Variants in CCNY observed in about 807,000 individuals in gnomAD.
CCNY encodes the protein cyclin-Y.
Under a neutral mutation model 42.8 loss-of-function variants are expected in CCNY, and 19 were observed. The observed-to-expected ratio is 0.44, with a 90% CI of 0.31 to 0.65. The LOEUF (loss-of-function observed/expected upper bound fraction) is 0.65. CCNY is among the 30% of genes least tolerant of loss of function. The pLI is 0.07. For missense variants in CCNY, 370 were observed against 437.3 expected, an observed-to-expected ratio of 0.85 and a Z score of 1.37; for synonymous variants, 165 against 162.7, an observed-to-expected ratio of 1.01 and a Z score of -0.11.
chr10:35,428,822 C>A (rs1838324235), intron 1 of CCNY, among the ~76,000 whole-genome samples: 1 of 152,048 alleles, frequency 6.6e-6, no homozygotes, highest in Admixed American at 6.5e-5. Context: ...CTGGTTTGTG[C>A]AATGGGATGA....
intron 3 of CCNY, among the ~76,000 whole-genome samples, chr10:35,288,889 C>A (rs1010967903): frequency 5.9e-5 from 9 of 152,148 alleles, no homozygotes; most frequent in African/African-American, 2.2e-4. Context: ...AGTGTAAAAC[C>A]TCCAAGTTCA....
At chr10:35,485,353 A>G (rs1174455346) in intron 2 of CCNY, among the ~76,000 whole-genome samples, 2 of 152,260 alleles carry the variant, frequency 1.3e-5, no homozygotes, top group Non-Finnish European at 2.9e-5. Flanking sequence ...TTCTGTTTTC[A>G]GATGGGCAGT....
At chr10:35,270,374 T>C (rs1210633290) in intron 3 of CCNY, among the ~76,000 whole-genome samples, 1 of 152,042 alleles carries the variant, frequency 6.6e-6, no homozygotes, top group Non-Finnish European at 1.5e-5. Context: ...AACATTCAAA[T>C]CTAGCACAAA....
chr10:35,540,279 T>C (rs1353942006), intron 7 of CCNY, among the ~76,000 whole-genome samples: 1 of 152,218 alleles, frequency 6.6e-6, no homozygotes, highest in African/African-American at 2.4e-5. Context: ...TGTTTTTATT[T>C]TGAAAGGGTA....
intron 1 of CCNY, among the ~76,000 whole-genome samples, chr10:35,358,870 C>T (rs891587789): frequency 3.3e-5 from 5 of 152,184 alleles, no homozygotes; most frequent in African/African-American, 1.2e-4. Context: ...TATTTGAGGC[C>T]AGGTGAAGGG....
In CCNY at chr10:35,323,686, G is replaced by C. The variant is rs1434432925; in HGVS notation, c.-9+73060G>C. ...TGGAAATGTTCTAGATCTTGATTGT[G>C]GTGATGGTGGTTACATGCGTATATT... On this transcript the variant is annotated intron_variant, in intron 3 of 11. Coordinates refer to the CCNY transcript ENST00000374706. 2.0e-5 allele frequency among the ~76,000 whole-genome samples: 3 copies of C among 152,232 alleles called. No homozygotes were observed. The South Asian group carries it at 6.2e-4, about 32-fold the overall frequency.
chr10:35,563,975 C>T (rs2135463166), intron 8 of CCNY, among the ~76,000 whole-genome samples: 1 of 151,716 alleles, frequency 6.6e-6, no homozygotes, highest in East Asian at 2.0e-4. Flanking sequence ...CTCCCGGGTT[C>T]AAGTGATTCC....
chr10:35,498,872 G>T (rs1840054547), intron 2 of CCNY, among the ~76,000 whole-genome samples: 1 of 152,204 alleles, frequency 6.6e-6, no homozygotes, highest in Non-Finnish European at 1.5e-5. Context: ...GTTGCTCTGA[G>T]GAAATAGGGT....
intron 2 of CCNY, among the ~76,000 whole-genome samples, chr10:35,250,210 A>G (rs1205041486): frequency 1.3e-5 from 2 of 151,018 alleles, no homozygotes; most frequent in East Asian, 2.0e-4. Flanking sequence ...AAAAAAAAAA[A>G]AAGAAGTAGT....
intron 1 of CCNY, among the ~76,000 whole-genome samples, chr10:35,380,376 A>C (rs1837154279): frequency 1.3e-5 from 2 of 152,162 alleles, no homozygotes; most frequent in Admixed American, 1.3e-4. Flanking sequence ...TCCACCTGGG[A>C]ATCCTATCCT....
intron 5 of CCNY, among the ~76,000 whole-genome samples, chr10:35,529,112 G>C (rs1053197145): frequency 2.6e-5 from 4 of 152,194 alleles, no homozygotes; most frequent in Admixed American, 2.6e-4. Context: ...CTCTTTAAGT[G>C]GTTCTGTGCA....
chr10:35,297,273 G>A (rs887693542), intron 3 of CCNY, among the ~76,000 whole-genome samples: 8 of 152,058 alleles, frequency 5.3e-5, no homozygotes, highest in Non-Finnish European at 7.4e-5. Context: ...GATCTCAATA[G>A]ATGCAGAAAG....
At chr10:35,307,155 C>CGACAGCAA (rs1589027366) in intron 3 of CCNY, among the ~76,000 whole-genome samples, 1 of 152,124 alleles carries the variant, frequency 6.6e-6, no homozygotes, top group East Asian at 1.9e-4. Context: ...TCAGGGATGA[C>CGACAGCAA]GACAGCAAGC....
At chr10:35,259,340 AG>A (rs1476470652) in intron 3 of CCNY, among the ~76,000 whole-genome samples, 1 of 151,892 alleles carries the variant, frequency 6.6e-6, no homozygotes, top group African/African-American at 2.4e-5. Context: ...CAGCCTCTTG[AG>A]TAGCTAGGAG....
At chr10:35,549,398 T>C (rs1194803706) in intron 7 of CCNY, among the ~76,000 whole-genome samples, 124 of 124,102 alleles carry the variant, frequency 1.0e-3, no homozygotes, top group Middle Eastern at 0.01. Context: ...CGTGACCCTG[T>C]GCTCCTCATG....
At chr10:35,369,809 T>A (rs1183717564) in intron 1 of CCNY, among the ~76,000 whole-genome samples, 1 of 152,232 alleles carries the variant, frequency 6.6e-6, no homozygotes, top group Non-Finnish European at 1.5e-5. Context: ...TAATTTCTAA[T>A]CAATATTTTT....
intron 7 of CCNY, among the ~76,000 whole-genome samples, chr10:35,547,954 A>G (rs1841151470): frequency 6.6e-6 from 1 of 152,160 alleles, no homozygotes; most frequent in South Asian, 2.1e-4. Context: ...TTTCCATTTT[A>G]TTATCAGTAT....
chr10:35,527,622 A>G (rs550961422), intron 5 of CCNY, among the ~76,000 whole-genome samples: 7 of 152,360 alleles, frequency 4.6e-5, no homozygotes, highest in East Asian at 1.9e-4. Context: ...AATGAATTCA[A>G]TCTACCACTC....
At chr10:35,288,088 G>T (rs1478987686) in intron 3 of CCNY, among the ~76,000 whole-genome samples, 1 of 152,154 alleles carries the variant, frequency 6.6e-6, no homozygotes, top group African/African-American at 2.4e-5. Flanking sequence ...AATGTATAAA[G>T]GTTCCACTTG....
Sources: gnomAD v4.1 joint callset for allele counts (sites outside exome capture counted in the v4.1 genomes callset) on GRCh38, gnomAD v4.1.1 for gene constraint, MANE v1.5 for transcripts, NCBI Gene and HGNC (gene_info 2026-07-23, HGNC 2026-07-21) for gene names.